Variants in DPYD observed in about 807,000 individuals in gnomAD.
DPYD encodes dihydropyrimidine dehydrogenase [NADP(+)].
A neutral mutation model predicts 116.2 loss-of-function variants in DPYD; 109 were observed. That is an observed-to-expected ratio of 0.94 (90% CI 0.80 to 1.10). The LOEUF (loss-of-function observed/expected upper bound fraction) is 1.10, where lower values mean the gene tolerates loss of function less well. Ranked by LOEUF, DPYD falls within the 50% of genes least tolerant of loss-of-function variation. DPYD has a pLI of 0.00. For synonymous variants in DPYD, 440 were observed against 432.0 expected (o/e 1.02, Z -0.23); for missense variants, 1,302 against 1,254.5 (o/e 1.04, Z -0.57).
chr1:97,590,942 T>C (rs1654461890), intron 10 of DPYD, among the ~76,000 whole-genome samples: 1 of 152,240 alleles, frequency 6.6e-6, no homozygotes, highest in African/African-American at 2.4e-5. Flanking sequence ...GATTTTTCTC[T>C]TTCAATGAGA....
At chr1:97,204,769 C>T (rs6593639) in intron 19 of DPYD, among the ~76,000 whole-genome samples, 79,787 of 151,716 alleles carry the variant, frequency 0.53, 20,925 homozygotes, top group East Asian at 0.6. Flanking sequence ...AATGCTCCGT[C>T]ACTTTTGGTT....
chr1:97,368,446 AG>A (rs1671152496), intron 16 of DPYD, among the ~76,000 whole-genome samples: 1 of 152,196 alleles, frequency 6.6e-6, no homozygotes, highest in Non-Finnish European at 1.5e-5. Flanking sequence ...TTCTGATGGC[AG>A]GAAAAAGAAA....
intron 2 of DPYD, among the ~76,000 whole-genome samples, chr1:97,877,092 C>T (rs921670898): frequency 2.0e-5 from 3 of 151,990 alleles, no homozygotes; most frequent in Non-Finnish European, 4.4e-5. Flanking sequence ...ACAAACGAAG[C>T]CCTGGGAGAG....
chr1:97,480,127 A>T (rs1678217106), intron 13 of DPYD, among the ~76,000 whole-genome samples: 1 of 151,738 alleles, frequency 6.6e-6, no homozygotes, highest in Non-Finnish European at 1.5e-5. Context: ...AAGAAAAATA[A>T]TTTTTTTTTA....
intron 8 of DPYD, among the ~76,000 whole-genome samples, chr1:97,661,516 T>C (rs1379806124): frequency 6.6e-6 from 1 of 152,174 alleles, no homozygotes; most frequent in East Asian, 1.9e-4. Context: ...ATCTAGTTGA[T>C]ACTTGCCAAA....
chr1:97,390,609 G>C (rs909191840), intron 14 of DPYD, among the ~76,000 whole-genome samples: 20 of 151,860 alleles, frequency 1.3e-4, no homozygotes, highest in Admixed American at 4.6e-4. Flanking sequence ...AATGAGACTA[G>C]TATGCTTACA....
chr1:97,079,771 A>G (rs954468726), intron 22 of DPYD, among the ~76,000 whole-genome samples: 2 of 152,074 alleles, frequency 1.3e-5, no homozygotes, highest in Non-Finnish European at 2.9e-5. Flanking sequence ...TGGCCCTGAC[A>G]CTATTGAGCC....
chr1:97,143,143 T>C (rs180779384), intron 20 of DPYD, among the ~76,000 whole-genome samples: 2 of 152,166 alleles, frequency 1.3e-5, no homozygotes, highest in Admixed American at 6.5e-5. Flanking sequence ...TTTAACTTAA[T>C]AACATGAGCA....
At chr1:97,318,778 A>AT (rs1430840942) in intron 16 of DPYD, among the ~76,000 whole-genome samples, 8 of 148,636 alleles carry the variant, frequency 5.4e-5, no homozygotes, top group East Asian at 2.0e-4. Flanking sequence ...CAGAATATAC[A>AT]TTTTTTTCAG....
rs1381256436 is a variant in DPYD, at chr1:97,290,924, C to T, written c.2299+14335G>A. ...AACCTACAAAATGGGAGAAAATTTTCACAACCTACTCATCTGACAAAGGGC... is the reference window on the plus strand; with the variant it reads ...AACCTACAAAATGGGAGAAAATTTTTACAACCTACTCATCTGACAAAGGGC... On this transcript the variant is annotated intron_variant, in intron 18 of 22. Coordinates refer to ENST00000370192, the MANE Select transcript of DPYD (RefSeq NM_000110.4). Among the ~76,000 whole-genome samples, 5 of 151,708 alleles carry T rather than the reference C, an allele frequency of 3.3e-5. 1 individual carries two copies. The highest frequency in any genetic ancestry group is 3.3e-4 in the Admixed American group (5 of 15,230).
chr1:97,152,776 A>G (rs1655131016), intron 20 of DPYD, among the ~76,000 whole-genome samples: 1 of 151,788 alleles, frequency 6.6e-6, no homozygotes, highest in Non-Finnish European at 1.5e-5. Context: ...CAGGTATAGC[A>G]TACCTGAGAA....
At chr1:97,740,509 C>T (rs756543775) in intron 3 of DPYD, 30 bp from the exon 4 acceptor site, 1 of 1,565,042 alleles carries the variant, frequency 6.4e-7, no homozygotes, top group Non-Finnish European at 8.8e-7. Flanking sequence ...TGTTAAGAAA[C>T]TACAAGATAA....
intron 14 of DPYD, among the ~76,000 whole-genome samples, chr1:97,449,682 T>C (rs1676294572): frequency 6.6e-6 from 1 of 152,216 alleles, no homozygotes; most frequent in Non-Finnish European, 1.5e-5. Flanking sequence ...GATATGCTGC[T>C]TCTGCCTCAG....
At chr1:97,410,333 T>C (rs1673911982) in intron 14 of DPYD, among the ~76,000 whole-genome samples, 1 of 152,172 alleles carries the variant, frequency 6.6e-6, no homozygotes, top group African/African-American at 2.4e-5. Context: ...AAAGTCTTTT[T>C]GCATCAGCTA....
At chr1:97,628,650 T>G (rs1474750436) in intron 8 of DPYD, among the ~76,000 whole-genome samples, 1 of 152,062 alleles carries the variant, frequency 6.6e-6, no homozygotes, top group East Asian at 1.9e-4. Context: ...AGGGTCATGA[T>G]TTTTGAAATG....
intron 9 of DPYD, 102 bp downstream of exon 9, chr1:97,594,957 T>G: frequency 1.1e-6 from 1 of 880,210 alleles, no homozygotes; most frequent in Non-Finnish European, 1.8e-6. Context: ...CAAGGTTGGG[T>G]GTGAGAGCTG....
Position 97,547,850 on chromosome 1 carries a change from C to T in DPYD, c.1524+1710G>A, listed in dbSNP as rs944222566. Among the ~76,000 whole-genome samples the T allele has an allele frequency of 5.3e-5, 8 of 151,998 alleles. 1 individual carries two copies. Among genetic ancestry groups the T allele is most frequent in the Admixed American group, 4.6e-4 (7 of 15,238 alleles). On this transcript the variant is annotated intron_variant, in intron 12 of 22. Transcript: ENST00000370192. ...AGATTCCTACATTTCTGGGACACCA[C>T]GGTTTGGCCCAACAACTCAAGCCCC...
chr1:97,194,056 G>A (rs1658574994), intron 19 of DPYD, among the ~76,000 whole-genome samples: 3 of 152,174 alleles, frequency 2.0e-5, no homozygotes, highest in South Asian at 2.1e-4. Context: ...CAGAAGGGAA[G>A]AACTGCATTT....
intron 16 of DPYD, among the ~76,000 whole-genome samples, chr1:97,359,143 G>A (rs1670581889): frequency 6.6e-6 from 1 of 152,062 alleles, no homozygotes; most frequent in Non-Finnish European, 1.5e-5. Context: ...TGAAAACCAT[G>A]ACACGAGAAC....
Sources: allele counts gnomAD v4.1 joint callset (sites outside exome capture counted in the v4.1 genomes callset), GRCh38; gene constraint gnomAD v4.1.1; transcripts MANE v1.5; gene names NCBI Gene and HGNC (gene_info 2026-07-23, HGNC 2026-07-21).